The following COL5A1 variants were observed in gnomAD, a reference collection of about 807,000 sequenced individuals.
The protein encoded by COL5A1 is collagen alpha-1(V) chain.
A neutral mutation model predicts 263.7 loss-of-function variants in COL5A1; 16 were observed. The observed-to-expected ratio is 0.06, with a 90% CI of 0.04 to 0.09. The LOEUF (loss-of-function observed/expected upper bound fraction) is 0.09, where lower values mean the gene tolerates loss of function less well. COL5A1 is among the 10% of genes least tolerant of loss of function. The pLI is 1.00. For synonymous variants in COL5A1, 1,012 were observed against 1,004.5 expected (o/e 1.01, Z -0.14); for missense variants, 2,036 against 2,540.5 (o/e 0.80, Z 4.27).
Position 134,756,831 on chromosome 9 carries a change from C to A in COL5A1, c.1881+13C>A, listed in dbSNP as rs753635328. On this transcript the variant is annotated intron_variant, in intron 17 of 65. Transcript: ENST00000371817. The stretch of plus-strand genomic sequence containing the variant: ...AACTGGCCCCAAGGTAGGTCACCCA[C>A]CACCCTCCTGGTGCCCTGGCATCAC... The A allele has an allele frequency of 1.2e-6, 2 of 1,613,292 alleles. No individual in the cohort carries two copies. Among genetic ancestry groups the A allele is most frequent in the Non-Finnish European group, 1.7e-6 (2 of 1,179,360 alleles).
chr9:134,815,761 C>T (rs1838722341), intron 51 of COL5A1, 132 bp downstream of exon 51: 2 of 1,248,886 alleles, frequency 1.6e-6, no homozygotes, highest in South Asian at 2.5e-5. Context: ...CCAAAAGGCA[C>T]TCGTGTTCCG....
At chr9:134,749,699 G>A (rs1380491257) in intron 11 of COL5A1, among the ~76,000 whole-genome samples, 2 of 152,228 alleles carry the variant, frequency 1.3e-5, no homozygotes, top group Non-Finnish European at 2.9e-5. Flanking sequence ...TGTAACTGGA[G>A]TGTAGTTGGT....
chr9:134,765,734 C>T lies in COL5A1; in HGVS notation c.2088C>T (p.Pro696=), dbSNP rs146757272. 4.3e-5 allele frequency: 69 copies of T among 1,612,340 alleles called. 2 individuals carry two copies. In the Middle Eastern group the frequency reaches 6.6e-4, roughly 15 times the overall value. The change falls in exon 21 of 66, where the codon CCC becomes CCT. Residue 696 remains proline, a splice_region_variant and synonymous_variant. Coordinates refer to ENST00000371817, the MANE Select transcript of COL5A1 (RefSeq NM_000093.5). This position sits in a 1 kb window ranked among gnomAD's most constrained non-coding sequence, Gnocchi z 5.1. ...GGCCCCCAGGTCCTCCCGGACCTCC[C>T]GTAAGTCCCATTACCGCCCTGCTTG... The part of the protein sequence containing the change: ...PKGPPGPPGP[P]GVTGMDGQPG...
Position 134,806,271 on chromosome 9 carries a change from G to A in COL5A1, c.3341G>A (p.Gly1114Glu), listed in dbSNP as rs926426117. ...AGACCTGGGCCCCAGGGACCCCCAGGGCCGGCAGGAGAGAAAGGGGCTCCT... is the reference window on the plus strand; with the variant it reads ...AGACCTGGGCCCCAGGGACCCCCAGAGCCGGCAGGAGAGAAAGGGGCTCCT... ...PGRPGPQGPP[G>E]PAGEKGAPGE... The change falls in exon 42 of 66, where the codon GGG (glycine) becomes GAG (glutamate). Residue 1114 changes from glycine (G) to glutamate (E), a missense_variant. Coordinates refer to ENST00000371817, the MANE Select transcript of COL5A1 (RefSeq NM_000093.5). 1 of 1,549,558 alleles carries A rather than the reference G, an allele frequency of 6.5e-7. No individual in the cohort carries two copies. The highest frequency in any genetic ancestry group is 8.7e-7 in the Non-Finnish European group (1 of 1,146,776).
At chr9:134,708,942 T>C (rs963680903) in intron 4 of COL5A1, 1 of 456,524 alleles carries the variant, frequency 2.2e-6, no homozygotes, top group Admixed American at 2.3e-5. Flanking sequence ...CCCCAGCTTC[T>C]GCCTCCGTCT....
intron 44 of COL5A1, 91 bp from the exon 45 acceptor site, chr9:134,811,248 T>A (rs1308617666): frequency 8.6e-7 from 1 of 1,158,712 alleles, no homozygotes; most frequent in African/African-American, 1.5e-5. Context: ...GTTGGATGCA[T>A]CAGTCCCCGG....
Position 134,796,433 on chromosome 9 carries a change from C to T in COL5A1, c.2844+15C>T. On this transcript the variant is annotated intron_variant, in intron 35 of 65. Transcript: ENST00000371817. ...CTGGTGAACGGGTAAGCAGCTGGAGCCTTCGGGGGTGTCTCCAAGGGCAGA... is the reference window on the plus strand; with the variant it reads ...CTGGTGAACGGGTAAGCAGCTGGAGTCTTCGGGGGTGTCTCCAAGGGCAGA... 1 of 1,613,836 alleles carries T rather than the reference C, an allele frequency of 6.2e-7. No homozygotes were observed. Among genetic ancestry groups the T allele is most frequent in the Non-Finnish European group, 8.5e-7 (1 of 1,179,804 alleles).
At chr9:134,699,647 C>T (rs964873067) in intron 2 of COL5A1, among the ~76,000 whole-genome samples, 4 of 152,156 alleles carry the variant, frequency 2.6e-5, no homozygotes, top group African/African-American at 9.7e-5. Flanking sequence ...GTTGAGGGCT[C>T]CCAGCTGGAA....
At position 134,814,826 on chromosome 9, in the gene COL5A1, C is replaced by T. The variant is rs367804791; in HGVS notation, c.3936C>T (p.Gly1312=). The change falls in exon 50 of 66, where the codon GGC becomes GGT. Residue 1312 remains glycine (G), a synonymous_variant. Coordinates refer to ENST00000371817, the MANE Select transcript of COL5A1 (RefSeq NM_000093.5). ...PGPKGERGEK[G]ESGPSGAAGP... ...CCAAAGGAGAAAGGGGAGAGAAGGG[C>T]GAGTCAGGCCCTTCAGGTGCTGCCG... is the stretch of plus-strand genomic sequence containing the variant. The T allele has an allele frequency of 1.9e-5, 29 of 1,551,970 alleles. No homozygotes were observed. Among genetic ancestry groups the T allele is most frequent in the Middle Eastern group, 3.3e-4 (2 of 6,016 alleles).
At chr9:134,801,375 G>A (rs1198582553) in intron 37 of COL5A1, among the ~76,000 whole-genome samples, 1 of 152,242 alleles carries the variant, frequency 6.6e-6, no homozygotes. Context: ...TCCAGAAAGG[G>A]CACCAAGCCA....
intron 65 of COL5A1, among the ~76,000 whole-genome samples, chr9:134,837,817 G>C (rs1839898784): frequency 6.6e-6 from 1 of 152,132 alleles, no homozygotes; most frequent in Non-Finnish European, 1.5e-5. Flanking sequence ...ACCAATACAA[G>C]TGTTCCCTTC....
chr9:134,798,315 T>C, intron 36 of COL5A1, 93 bp from the exon 37 acceptor site: 1 of 1,174,832 alleles, frequency 8.5e-7, no homozygotes, highest in Non-Finnish European at 1.3e-6. Flanking sequence ...GCAGGAGCCA[T>C]GGAAATAACG....
rs759627305 is a variant in COL5A1, at chr9:134,798,414, C to T, written c.2905C>T (p.Pro969Ser). The T allele has an allele frequency of 3.1e-6, 5 of 1,614,014 alleles. No individual in the cohort carries two copies. In the African/African-American group the frequency reaches 4.0e-5, roughly 13 times the overall value. Reference protein sequence around the residue: ...FPGPKGPPGPPGKDGLPGHPG... With the variant: ...FPGPKGPPGPSGKDGLPGHPG... ...CCTTTGGTTTTTTCTTCAGGGCCCT[C>T]CAGGCAAGGATGGACTCCCAGGACA... Residue 969 changes from proline (P) to serine (S), a missense_variant, in exon 37 of 66, where the codon CCA (proline) becomes TCA (serine). By Grantham distance (74) the Pro-to-Ser change is moderately conservative. Transcript: ENST00000371817.
chr9:134,728,655 G>A lies in COL5A1; in HGVS notation c.787-15G>A, dbSNP rs150200872. 0.015 allele frequency: 24,556 copies of A among 1,613,746 alleles called. 776 individuals carry two copies. The highest frequency in any genetic ancestry group is 0.11 in the South Asian group (10,391 of 91,070). ...GGCTCCGCTGCTTCCTCACGGGGCC[G>A]CAATTCGCTTTCAGTACACGGAAGG... On this transcript the variant is annotated splice_polypyrimidine_tract_variant and intron_variant, in intron 5 of 65. Coordinates refer to ENST00000371817, the MANE Select transcript of COL5A1 (RefSeq NM_000093.5).
intron 1 of COL5A1, among the ~76,000 whole-genome samples, chr9:134,654,278 GA>G (rs1831821133): frequency 2.1e-5 from 3 of 140,772 alleles, no homozygotes; most frequent in Non-Finnish European, 3.1e-5. Flanking sequence ...TGTAGGGCTG[GA>G]GGTGTGTAGA....
chr9:134,801,903 G>A, intron 37 of COL5A1, 51 bp from the exon 38 acceptor site: 1 of 1,551,652 alleles, frequency 6.4e-7, no homozygotes, highest in Non-Finnish European at 8.9e-7. Flanking sequence ...TGCAGGGCAG[G>A]GTGGCGCAGG....
At chr9:134,817,693 A>G in intron 53 of COL5A1, 85 bp from the exon 54 acceptor site, 2 of 1,241,390 alleles carry the variant, frequency 1.6e-6, no homozygotes, top group Non-Finnish European at 2.3e-6. Flanking sequence ...CCACACACAC[A>G]CACACCCTGA....
chr9:134,708,544 A>C (rs761923385), intron 4 of COL5A1: 1 of 517,062 alleles, frequency 1.9e-6, no homozygotes, highest in South Asian at 1.4e-5. Flanking sequence ...TTTCTGTAGG[A>C]TCCACCTCCG....
rs889540233 is a variant in COL5A1 at position 134,682,608 on chromosome 9, C to T, written c.110-8304C>T. Among the ~76,000 whole-genome samples, 3 of 152,204 alleles carry T rather than the reference C, an allele frequency of 2.0e-5. No individual in the cohort carries two copies. Among genetic ancestry groups the T allele is most frequent in the Non-Finnish European group, 4.4e-5 (3 of 68,026 alleles). On this transcript the variant is annotated intron_variant, in intron 1 of 65. Transcript: ENST00000371817. This position sits in a 1 kb window ranked among gnomAD's most constrained non-coding sequence, Gnocchi z 5.1. ...GGGCGCAGGAATCCCGGAGGTCAGG[C>T]AGGTGGGCGAGTCAGAACTGAGGGG... is the stretch of plus-strand genomic sequence containing the variant.
Sources: gnomAD v4.1 joint callset for allele counts (sites outside exome capture counted in the v4.1 genomes callset) on GRCh38, gnomAD v4.1.1 for gene constraint, Gnocchi (gnomAD v3.1) non-coding constraint, MANE v1.5 for transcripts, NCBI Gene and HGNC (gene_info 2026-07-23, HGNC 2026-07-21) for gene names.